The following DIP2C variants were observed in gnomAD, a reference collection of about 807,000 sequenced individuals.
DIP2C encodes the protein disco-interacting protein 2 homolog C.
A neutral mutation model predicts 192.4 loss-of-function variants in DIP2C; 33 were observed. The observed-to-expected ratio is 0.17, with a 90% CI of 0.13 to 0.23. The LOEUF is 0.23. Ranked by LOEUF, DIP2C falls within the 10% of genes least tolerant of loss-of-function variation. The pLI is 1.00. For missense variants in DIP2C, 1,537 were observed against 2,110.1 expected (o/e 0.73, Z 5.32); for synonymous variants, 979 against 864.1 (o/e 1.13, Z -2.33).
intron 17 of DIP2C, among the ~76,000 whole-genome samples, chr10:378,349 A>G (rs1474219260): frequency 6.6e-6 from 1 of 152,252 alleles, no homozygotes; most frequent in Admixed American, 6.5e-5. Context: ...AAACAGACAC[A>G]CATGAAGGCA....
intron 32 of DIP2C, among the ~76,000 whole-genome samples, chr10:295,378 A>G (rs998554522): frequency 1.7e-4 from 26 of 151,472 alleles, no homozygotes; most frequent in African/African-American, 5.3e-4. Context: ...TGGCTAACAC[A>G]GTGAAACCCC....
At chr10:578,492 C>T (rs1024179285) in intron 1 of DIP2C, among the ~76,000 whole-genome samples, 2 of 152,232 alleles carry the variant, frequency 1.3e-5, no homozygotes, top group Non-Finnish European at 2.9e-5. Flanking sequence ...AAACACACCT[C>T]ACAGAGCTGT....
chr10:554,241 T>C (rs1388926848), intron 1 of DIP2C, among the ~76,000 whole-genome samples: 12 of 152,328 alleles, frequency 7.9e-5, no homozygotes, highest in African/African-American at 1.4e-4. Flanking sequence ...GCAGGAAATA[T>C]ACATCATAGG....
intron 1 of DIP2C, among the ~76,000 whole-genome samples, chr10:603,704 G>A (rs1210715625): frequency 6.6e-6 from 1 of 152,208 alleles, no homozygotes; most frequent in Non-Finnish European, 1.5e-5. Context: ...TCAAAGGTCT[G>A]GAGGTGAATA....
At chr10:606,074 G>A (rs1489624297) in intron 1 of DIP2C, among the ~76,000 whole-genome samples, 1 of 152,242 alleles carries the variant, frequency 6.6e-6, no homozygotes, top group Non-Finnish European at 1.5e-5. Context: ...CCCGGAGCCT[G>A]CGCAGCGTGG....
intron 1 of DIP2C, among the ~76,000 whole-genome samples, chr10:612,299 AAAAAT>A (rs1203872454): frequency 6.6e-6 from 1 of 152,186 alleles, no homozygotes; most frequent in African/African-American, 2.4e-5. Flanking sequence ...CTCAAAAAAA[AAAAAT>A]AAACCAATAC....
intron 26 of DIP2C, 116 bp from the exon 27 acceptor site, chr10:345,226 G>T: frequency 9.5e-7 from 1 of 1,054,590 alleles, no homozygotes; most frequent in Non-Finnish European, 1.4e-6. Flanking sequence ...TTAACGGGCA[G>T]ATGAGGTTAC....
rs981876439 is a variant in DIP2C at position 661,006 on chromosome 10, G to A, written c.85+28488C>T. On this transcript the variant is annotated intron_variant, in intron 1 of 36. Transcript: ENST00000280886. ...TCAGGCAAAAATCCCAGAATCAGAA[G>A]AACACAAGTTTTGTAAGTCCTTCAA... Among the ~76,000 whole-genome samples, 8 of 152,322 alleles carry A rather than the reference G, an allele frequency of 5.3e-5. No individual in the cohort carries two copies. In the South Asian group the frequency reaches 1.4e-3, roughly 28 times the overall value.
chr10:447,919 C>CA (rs1968420658), intron 3 of DIP2C, among the ~76,000 whole-genome samples: 2 of 121,670 alleles, frequency 1.6e-5, no homozygotes, highest in East Asian at 2.4e-4. Context: ...CCACTCATCC[C>CA]TGTCTATACT....
Position 380,330 on chromosome 10 carries a change from T to TGTCCCTGGAAGATGGTTAACGC in DIP2C, c.1991+2316_1991+2317insGCGTTAACCATCTTCCAGGGAC, listed in dbSNP as rs1554837177. 3.0e-4 allele frequency among the ~76,000 whole-genome samples: 30 copies of TGTCCCTGGAAGATGGTTAACGC among 99,430 alleles called. No individual in the cohort carries two copies. The South Asian group carries it at 7.0e-3, about 23-fold the overall frequency. The allele number at this position is 99,430 out of a possible 152,430, so 65.2% of individuals were successfully genotyped here. A position where few individuals can be genotyped will look rare whatever the true frequency, so the allele number is the denominator to read the frequency against. On this transcript the variant is annotated intron_variant, in intron 17 of 36. Coordinates refer to ENST00000280886, the MANE Select transcript of DIP2C (RefSeq NM_014974.3). ...GGCTGTCCCTGGAAGATGGTTAACG[T>TGTCCCTGGAAGATGGTTAACGC]GCAGAAGAGGCTGTCCCTGGAAGAT...
At chr10:305,994 T>TATATATATATATATATA (rs201950305) in intron 32 of DIP2C, among the ~76,000 whole-genome samples, 2 of 148,666 alleles carry the variant, frequency 1.3e-5, no homozygotes, top group African/African-American at 5.1e-5. Flanking sequence ...TATATATATA[T>TATATATATATATATATA]TATATTTTTT....
intron 26 of DIP2C, among the ~76,000 whole-genome samples, chr10:347,485 C>CCCA: frequency 9.5e-6 from 1 of 105,806 alleles, no homozygotes; most frequent in South Asian, 4.0e-4. Flanking sequence ...ACCCCACACT[C>CCCA]ACCCGGACAC....
chr10:570,377 A>T (rs1170784370), intron 1 of DIP2C, among the ~76,000 whole-genome samples: 1 of 151,916 alleles, frequency 6.6e-6, no homozygotes, highest in African/African-American at 2.4e-5. Context: ...CCTGGGCATG[A>T]CCCCCAACCC....
At chr10:484,634 T>C (rs1283795816) in intron 2 of DIP2C, 2 of 1,158,712 alleles carry the variant, frequency 1.7e-6, no homozygotes, top group Non-Finnish European at 2.4e-6. Context: ...GCTCTGGGCC[T>C]GTGGAGCGAC....
At chr10:553,923 C>G (rs1266010188) in intron 1 of DIP2C, among the ~76,000 whole-genome samples, 2 of 149,472 alleles carry the variant, frequency 1.3e-5, no homozygotes, top group Non-Finnish European at 3.0e-5. Context: ...GTAACTGTAA[C>G]AGTGGTGAAC....
At position 520,606 on chromosome 10, in the gene DIP2C, T is replaced by C. The variant is rs182779549; in HGVS notation, c.86-34076A>G. ...CACGTGCCCTGGGGCCGTCCTGACC[T>C]GTCTGAGCAGCTCCCTGCTCTGCCT... On this transcript the variant is annotated intron_variant, in intron 1 of 36. Transcript: ENST00000280886. Among the ~76,000 whole-genome samples the C allele has an allele frequency of 4.4e-3, 666 of 152,308 alleles. 2 individuals carry two copies. Among genetic ancestry groups the C allele is most frequent in the African/African-American group, 0.015 (617 of 41,564 alleles).
chr10:282,723 C>A (rs1299448481), intron 35 of DIP2C, among the ~76,000 whole-genome samples: 1 of 152,260 alleles, frequency 6.6e-6, no homozygotes, highest in Non-Finnish European at 1.5e-5. Context: ...CACCTGGCTG[C>A]TCCACACCAG....
intron 8 of DIP2C, 43 bp from the exon 9 acceptor site, chr10:409,060 C>A: frequency 6.3e-7 from 1 of 1,593,774 alleles, no homozygotes; most frequent in Admixed American, 1.7e-5. Context: ...TTAAACCATA[C>A]GGAGAGCACA....
At position 348,750 on chromosome 10, in the gene DIP2C, A is replaced by G; in HGVS notation, c.3122T>C (p.Ile1041Thr). 6.2e-7 allele frequency: 1 copy of G among 1,613,660 alleles called. No homozygotes were observed. The highest frequency in any genetic ancestry group is 8.5e-7 in the Non-Finnish European group (1 of 1,179,874). The change falls in exon 26 of 37, where the codon ATA becomes ACA. Residue 1041 changes from isoleucine (I) to threonine (T), a missense_variant. By Grantham distance (89) the Ile-to-Thr change is moderately conservative. Coordinates refer to ENST00000280886, the MANE Select transcript of DIP2C (RefSeq NM_014974.3). ...ALVYPPGIDLIAAFYGCLYAG... is the reference protein window; with the variant it reads ...ALVYPPGIDLTAAFYGCLYAG... The stretch of plus-strand genomic sequence containing the variant: ...GTACAGGCAACCATAAAACGCTGCT[A>G]TCAGGTCTATTCCTACACAAGGAGA...
Sources: allele counts gnomAD v4.1 joint callset (sites outside exome capture counted in the v4.1 genomes callset), GRCh38; gene constraint gnomAD v4.1.1; transcripts MANE v1.5; gene names NCBI Gene and HGNC (gene_info 2026-07-23, HGNC 2026-07-21).